Variants in KDM2A observed in about 807,000 individuals in gnomAD.
KDM2A encodes lysine-specific demethylase 2A.
Under a neutral mutation model 137.3 loss-of-function variants are expected in KDM2A, and 3 were observed. The observed-to-expected ratio is 0.02, with a 90% confidence interval of 0.01 to 0.06. KDM2A has a LOEUF of 0.06. Ranked by LOEUF, KDM2A falls within the 10% of genes least tolerant of loss-of-function variation. KDM2A has a pLI of 1.00. For synonymous variants in KDM2A, 512 were observed against 541.5 expected, an observed-to-expected ratio of 0.95 and a Z score of 0.76; for missense variants, 738 against 1,510.6, an observed-to-expected ratio of 0.49 and a Z score of 8.48.
At chr11:67,155,547 T>A (rs945116307) in intron 2 of KDM2A, among the ~76,000 whole-genome samples, 2 of 152,088 alleles carry the variant, frequency 1.3e-5, no homozygotes, top group African/African-American at 4.8e-5. Flanking sequence ...AAAATGACCC[T>A]CCTGCCTCAG....
intron 5 of KDM2A, among the ~76,000 whole-genome samples, chr11:67,193,599 G>A (rs984786351): frequency 2.0e-5 from 3 of 152,080 alleles, no homozygotes; most frequent in Admixed American, 1.3e-4. Flanking sequence ...GGTGGCTCAC[G>A]CCTGTAATCC....
At chr11:67,238,565 C>G (rs967410983) in intron 12 of KDM2A, among the ~76,000 whole-genome samples, 4 of 152,030 alleles carry the variant, frequency 2.6e-5, no homozygotes, top group African/African-American at 9.7e-5. Flanking sequence ...GAAGCTCAGC[C>G]GAGAGCACAA....
At chr11:67,246,988 A>C (rs559891739) in intron 15 of KDM2A, among the ~76,000 whole-genome samples, 13 of 140,030 alleles carry the variant, frequency 9.3e-5, no homozygotes, top group Non-Finnish European at 1.5e-4. Flanking sequence ...CCCAGGCTAG[A>C]GTGCAGTGGC....
chr11:67,177,532 A>G (rs1423191058), intron 2 of KDM2A, among the ~76,000 whole-genome samples: 3 of 152,098 alleles, frequency 2.0e-5, no homozygotes, highest in Non-Finnish European at 4.4e-5. Context: ...GGTCGGGGTC[A>G]TCAGTATCAC....
rs371377962 is a variant in KDM2A, at chr11:67,215,674, G to GAA, written c.594-171_594-170dup. 1.4e-3 allele frequency: 716 copies of GAA among 518,376 alleles called. 1 individual carries two copies. Among genetic ancestry groups the GAA allele is most frequent in the South Asian group, 5.2e-3 (215 of 40,976 alleles). The allele number at this position is 518,376 out of a possible 1,614,324, so 32.1% of individuals were successfully genotyped here. A position where few individuals can be genotyped will look rare whatever the true frequency, so the allele number is the denominator to read the frequency against. On this transcript the variant is annotated intron_variant, in intron 7 of 20. Transcript: ENST00000529006. ...AACTTACATTTTAGTCAATACGGTAGAAAAAAAAAAAACCTTTTTCTGATA... is the reference window on the plus strand; with the variant it reads ...AACTTACATTTTAGTCAATACGGTAGAAAAAAAAAAAAAACCTTTTTCTGATA...
At chr11:67,200,058 ATC>A (rs946783777) in intron 5 of KDM2A, among the ~76,000 whole-genome samples, 2 of 152,176 alleles carry the variant, frequency 1.3e-5, no homozygotes, top group African/African-American at 4.8e-5. Flanking sequence ...ATGATATCAC[ATC>A]TGTTTTACAG....
rs1859393658 is a variant in KDM2A, at chr11:67,250,698, G to C, written c.2668G>C (p.Glu890Gln). Residue 890 changes from glutamate (E) to glutamine (Q), a missense_variant, in exon 17 of 21, where the codon GAA (glutamate) becomes CAA (glutamine). By Grantham distance (29) the Glu-to-Gln change is conservative. Transcript: ENST00000529006. This position sits in a 1 kb window ranked among gnomAD's most constrained non-coding sequence, Gnocchi z 7.1. Reference sequence around the variant, plus strand: ...GGGCAGTTGGGCTCAGGATGGAGACGAAAGCTGGATGCAGCGGGAGGTCTG... The same window carrying C: ...GGGCAGTTGGGCTCAGGATGGAGACCAAAGCTGGATGCAGCGGGAGGTCTG... ...GRGSWAQDGD[E>Q]SWMQREVWMS... 1 of 1,593,502 alleles carries C rather than the reference G, an allele frequency of 6.3e-7. No homozygotes were observed. The highest frequency in any genetic ancestry group is 8.6e-7 in the Non-Finnish European group (1 of 1,168,304).
intron 2 of KDM2A, among the ~76,000 whole-genome samples, chr11:67,124,596 G>A (rs1427589342): frequency 6.7e-6 from 1 of 148,686 alleles, no homozygotes; most frequent in South Asian, 2.1e-4. Context: ...ACAGGTGCGA[G>A]CCACTGTGCC....
At chr11:67,195,084 C>T (rs1193163231) in intron 5 of KDM2A, among the ~76,000 whole-genome samples, 2 of 152,068 alleles carry the variant, frequency 1.3e-5, no homozygotes, top group Non-Finnish European at 2.9e-5. Flanking sequence ...AACCTAAAGA[C>T]ATTTGCAGCT....
chr11:67,203,361 A>G (rs1857699704), intron 5 of KDM2A, among the ~76,000 whole-genome samples: 6 of 151,172 alleles, frequency 4.0e-5, no homozygotes, highest in Admixed American at 1.3e-4. Flanking sequence ...TGAACCCACA[A>G]TATCTCCAAG....
chr11:67,144,490 G>C (rs1044454129), intron 2 of KDM2A, among the ~76,000 whole-genome samples: 2 of 151,878 alleles, frequency 1.3e-5, no homozygotes, highest in African/African-American at 2.4e-5. Flanking sequence ...GACCTCAGGT[G>C]ATCCACCCAC....
intron 5 of KDM2A, among the ~76,000 whole-genome samples, chr11:67,192,694 C>T (rs1412102942): frequency 6.6e-6 from 1 of 151,980 alleles, no homozygotes; most frequent in African/African-American, 2.4e-5. Flanking sequence ...ATCCATCCGC[C>T]TTGGCCTCCC....
chr11:67,204,708 G>T (rs1024520623), intron 5 of KDM2A, among the ~76,000 whole-genome samples: 1 of 151,862 alleles, frequency 6.6e-6, no homozygotes, highest in Admixed American at 6.6e-5. Context: ...AGCCAGGATG[G>T]TCTTGATCTC....
chr11:67,158,352 A>G (rs957719847), intron 2 of KDM2A, among the ~76,000 whole-genome samples: 3 of 152,346 alleles, frequency 2.0e-5, no homozygotes, highest in Middle Eastern at 3.4e-3. Context: ...GATTGCTTCC[A>G]GGTTTTGGCA....
At chr11:67,151,004 C>T (rs1856372252) in intron 2 of KDM2A, among the ~76,000 whole-genome samples, 1 of 152,048 alleles carries the variant, frequency 6.6e-6, no homozygotes, top group Non-Finnish European at 1.5e-5. Flanking sequence ...CCCTTGCATG[C>T]AGTAGAGATG....
chr11:67,188,522 GC>G (rs1857264547), intron 5 of KDM2A, among the ~76,000 whole-genome samples: 1 of 149,462 alleles, frequency 6.7e-6, no homozygotes, highest in Admixed American at 6.7e-5. Context: ...TGGGCATGGT[GC>G]CTCACACGTC....
intron 2 of KDM2A, among the ~76,000 whole-genome samples, chr11:67,148,160 A>G (rs1284166478): frequency 4.6e-5 from 7 of 152,070 alleles, no homozygotes; most frequent in Non-Finnish European, 1.0e-4. Flanking sequence ...TGGCTCATAC[A>G]TGTGATCACA....
rs188567622 is a variant in KDM2A, at chr11:67,141,583, C to T, written c.42+20225C>T. The stretch of plus-strand genomic sequence containing the variant: ...TCGGGAGGCTAAGGCAGGAGAATGG[C>T]GTGAACCCGGGAGGCAGAGCTTGCA... On this transcript the variant is annotated intron_variant, in intron 2 of 20. Coordinates refer to ENST00000529006, the MANE Select transcript of KDM2A (RefSeq NM_012308.3). Among the ~76,000 whole-genome samples, 180 of 144,608 alleles carry T rather than the reference C, an allele frequency of 1.2e-3. 1 individual carries two copies. The highest frequency in any genetic ancestry group is 0.011 in the Middle Eastern group (3 of 276). 94.9% of individuals were successfully genotyped at this position (144,608 alleles called of 152,430 possible).
intron 8 of KDM2A, among the ~76,000 whole-genome samples, chr11:67,216,596 T>C (rs1231626050): frequency 6.6e-6 from 1 of 152,244 alleles, no homozygotes; most frequent in Non-Finnish European, 1.5e-5. Context: ...AAGTAGGAAC[T>C]AGAATGAGAA....
Sources: allele counts gnomAD v4.1 joint callset (sites outside exome capture counted in the v4.1 genomes callset), GRCh38; gene constraint gnomAD v4.1.1; non-coding constraint Gnocchi (gnomAD v3.1); transcripts MANE v1.5; gene names NCBI Gene and HGNC (gene_info 2026-07-23, HGNC 2026-07-21).